PCDHGA4: variants seen among roughly 807,000 people sequenced by gnomAD.
PCDHGA4 encodes protocadherin gamma-A4.
In PCDHGA4, 38 loss-of-function variants were observed where a neutral mutation model predicts 54.6. The ratio of observed to expected loss-of-function variants is 0.70; its 90% CI spans 0.54 to 0.91. The LOEUF is 0.91. Ranked by LOEUF, PCDHGA4 falls within the 40% of genes least tolerant of loss-of-function variation. PCDHGA4 has a pLI of 0.00. For missense variants in PCDHGA4, 1,298 were observed against 1,220.9 expected, an observed-to-expected ratio of 1.06 and a Z score of -0.94; for synonymous variants, 511 against 512.9, an observed-to-expected ratio of 1.00 and a Z score of 0.05.
At chr5:141,426,678 T>C (rs2096951425) in intron 1 of PCDHGA4, 2 of 431,490 alleles carry the variant, frequency 4.6e-6, no homozygotes, top group Admixed American at 5.1e-5. Flanking sequence ...CCCACCTCAT[T>C]TTCCCCAAAA....
chr5:141,491,291 C>T lies in PCDHGA4; in HGVS notation c.2515-3516C>T. 1 of 1,614,152 alleles carries T rather than the reference C, an allele frequency of 6.2e-7. No homozygotes were observed. The highest frequency in any genetic ancestry group is 8.5e-7 in the Non-Finnish European group (1 of 1,179,974). On this transcript the variant is annotated intron_variant, in intron 1 of 3. Coordinates refer to ENST00000571252, the MANE Select transcript of PCDHGA4 (RefSeq NM_018917.4). This position sits in a 1 kb window ranked among gnomAD's most constrained non-coding sequence, Gnocchi z 6.9. The stretch of plus-strand genomic sequence containing the variant: ...AAATCCAGTGACTTCCTCATACACC[C>T]TCCTGAGCGTTCAGACCTTACCCTT...
chr5:141,509,179 C>T (rs895281717), intron 3 of PCDHGA4, among the ~76,000 whole-genome samples: 1 of 152,172 alleles, frequency 6.6e-6, no homozygotes, highest in African/African-American at 2.4e-5. Flanking sequence ...TCCTCTTATG[C>T]CGGCTTGAAA....
chr5:141,430,938 C>A, intron 1 of PCDHGA4: 1 of 1,607,082 alleles, frequency 6.2e-7, no homozygotes, highest in Non-Finnish European at 8.5e-7. Context: ...CGGGAGCTCG[C>A]GGAGCGCGGA....
At chr5:141,376,676 G>GTTTTTTTTTTTTTTTTTTTTTTT (rs67197835) in intron 1 of PCDHGA4, 2 of 275,812 alleles carry the variant, frequency 7.3e-6, no homozygotes, top group Admixed American at 6.8e-5. Context: ...TGAGGGTATC[G>GTTTTTTTTTTTTTTTTTTTTTTT]TTTTTTTTTT....
intron 1 of PCDHGA4, chr5:141,426,420 C>T (rs2096934904): frequency 3.5e-6 from 1 of 287,972 alleles, no homozygotes; most frequent in Non-Finnish European, 6.9e-6. Flanking sequence ...TCCAGGGCTC[C>T]GTGGTGGGGA....
chr5:141,491,567 C>T lies in PCDHGA4; in HGVS notation c.2515-3240C>T, dbSNP rs2099721325. On this transcript the variant is annotated intron_variant, in intron 1 of 3. Transcript: ENST00000571252. The surrounding 1 kb of genome is among the most constrained non-coding windows in gnomAD (Gnocchi z 6.9). ...GACTCGCAGAGCCACTGCTACAGGACGTGCTTTTCACCGGCCTCGGACGGC... is the reference window on the plus strand; with the variant it reads ...GACTCGCAGAGCCACTGCTACAGGATGTGCTTTTCACCGGCCTCGGACGGC... 1.9e-6 allele frequency: 3 copies of T among 1,614,004 alleles called. No individual in the cohort carries two copies. The highest frequency in any genetic ancestry group is 2.5e-6 in the Non-Finnish European group (3 of 1,180,034).
rs1221200737 is a variant in PCDHGA4, at chr5:141,364,170, T to G, written c.2514+6549T>G. 16 of 776,358 alleles carry G rather than the reference T, an allele frequency of 2.1e-5. No homozygotes were observed. The East Asian group carries it at 4.0e-4, about 19-fold the overall frequency. The allele number at this position is 776,358 out of a possible 1,614,324, so 48.1% of individuals were successfully genotyped here. A position where few individuals can be genotyped will look rare whatever the true frequency, so the allele number is the denominator to read the frequency against. The stretch of plus-strand genomic sequence containing the variant: ...GAAGCTGCCGCAGAGGCGACCCGAC[T>G]CTGCTCCCTCCATACTAAACACACA... On this transcript the variant is annotated intron_variant, in intron 1 of 3. Coordinates refer to ENST00000571252, the MANE Select transcript of PCDHGA4 (RefSeq NM_018917.4).
At chr5:141,421,583 G>A (rs765321947) in intron 1 of PCDHGA4, 1 of 1,613,796 alleles carries the variant, frequency 6.2e-7, no homozygotes, top group African/African-American at 1.3e-5. Context: ...AAGATTTACG[G>A]AGTGGAGGTG....
Position 141,489,557 on chromosome 5 carries a change from T to C in PCDHGA4, c.2515-5250T>C, listed in dbSNP as rs150797955. 54 of 1,613,956 alleles carry C rather than the reference T, an allele frequency of 3.3e-5. 1 individual carries two copies. Among genetic ancestry groups the C allele is most frequent in the Non-Finnish European group, 4.3e-5 (51 of 1,180,004 alleles). On this transcript the variant is annotated intron_variant, in intron 1 of 3. Coordinates refer to ENST00000571252, the MANE Select transcript of PCDHGA4 (RefSeq NM_018917.4). The surrounding 1 kb of genome is among the most constrained non-coding windows in gnomAD (Gnocchi z 4.5). ...GCCAGCACCAGCTGCCTGCTGCCAG[T>C]GCAGGTGGTGACTGAACACCCCCTG...
At chr5:141,415,177 G>A (rs758980730) in intron 1 of PCDHGA4, 26 of 1,613,808 alleles carry the variant, frequency 1.6e-5, no homozygotes, top group East Asian at 4.5e-5. Flanking sequence ...CACCGTGGCC[G>A]TGGCCGACAG....
chr5:141,433,408 A>ATCTATCT (rs1413347413), intron 1 of PCDHGA4, among the ~76,000 whole-genome samples: 44 of 127,346 alleles, frequency 3.5e-4, no homozygotes, highest in African/African-American at 1.2e-3. Context: ...TCTATCTATT[A>ATCTATCT]CTTTCTTGTA....
intron 1 of PCDHGA4, chr5:141,377,329 A>G (rs2150108230): frequency 6.6e-6 from 1 of 152,270 alleles, no homozygotes; most frequent in South Asian, 2.1e-4. Flanking sequence ...GGTTTTAGCT[A>G]GCATGGTGGT....
At chr5:141,372,228 A>C (rs755305090) in intron 1 of PCDHGA4, 1 of 1,613,414 alleles carries the variant, frequency 6.2e-7, no homozygotes, top group Non-Finnish European at 8.5e-7. Context: ...TGTGCAGGCC[A>C]GCGAGCCCGG....
intron 1 of PCDHGA4, among the ~76,000 whole-genome samples, chr5:141,483,646 GTT>G (rs2099584256): frequency 6.8e-6 from 1 of 146,706 alleles, no homozygotes; most frequent in Admixed American, 6.7e-5. Flanking sequence ...AGGGGTGTGT[GTT>G]TGTGTGTGTG....
chr5:141,398,931 C>T, intron 1 of PCDHGA4: 2 of 1,613,956 alleles, frequency 1.2e-6, no homozygotes, highest in East Asian at 4.5e-5. Context: ...CAGCCACTGA[C>T]CAAGACGAGG....
At chr5:141,433,150 G>C (rs1466566074) in intron 1 of PCDHGA4, 5 of 1,613,936 alleles carry the variant, frequency 3.1e-6, no homozygotes, top group Middle Eastern at 1.6e-4. Flanking sequence ...CAGGTGATTC[G>C]GTATTTTCTA....
At chr5:141,369,542 A>T (rs553503598) in intron 1 of PCDHGA4, among the ~76,000 whole-genome samples, 1 of 152,332 alleles carries the variant, frequency 6.6e-6, no homozygotes, top group South Asian at 2.1e-4. Context: ...TTTAATTAAA[A>T]GTAGACACTT....
chr5:141,413,824 A>C, intron 1 of PCDHGA4: 1 of 1,613,112 alleles, frequency 6.2e-7, no homozygotes, highest in South Asian at 1.1e-5. Flanking sequence ...CCTGGTCCTC[A>C]CCGCCTCCGA....
Position 141,491,094 on chromosome 5 carries a change from G to T in PCDHGA4, c.2515-3713G>T. ...TGCCACAGTCCACAGCCCCAGGACT[G>T]TTCCTCGTGTCTACACACACTGGTG... On this transcript the variant is annotated intron_variant, in intron 1 of 3. Transcript: ENST00000571252. This position sits in a 1 kb window ranked among gnomAD's most constrained non-coding sequence, Gnocchi z 6.9. The T allele has an allele frequency of 6.2e-7, 1 of 1,614,202 alleles. No homozygotes were observed. The highest frequency in any genetic ancestry group is 1.1e-5 in the South Asian group (1 of 91,086).
Sources: gnomAD v4.1 joint callset for allele counts (sites outside exome capture counted in the v4.1 genomes callset) on GRCh38, gnomAD v4.1.1 for gene constraint, Gnocchi (gnomAD v3.1) non-coding constraint, MANE v1.5 for transcripts, NCBI Gene and HGNC (gene_info 2026-07-23, HGNC 2026-07-21) for gene names.